AKR1B1: variants seen among roughly 807,000 people sequenced by gnomAD.
AKR1B1 encodes aldo-keto reductase family 1 member B.
A neutral mutation model predicts 40.4 loss-of-function variants in AKR1B1; 22 were observed. The observed-to-expected ratio is 0.54, with a 90% CI of 0.39 to 0.78. AKR1B1 has a LOEUF of 0.78. Ranked by LOEUF, AKR1B1 falls within the 30% of genes least tolerant of loss-of-function variation. The pLI is 0.00. For missense variants in AKR1B1, 357 were observed against 396.7 expected (o/e 0.90, Z 0.85); for synonymous variants, 157 against 149.9 (o/e 1.05, Z -0.35).
chr7:134,446,589 C>A (rs199532996), intron 8 of AKR1B1, among the ~76,000 whole-genome samples: 1 of 148,920 alleles, frequency 6.7e-6, no homozygotes, highest in East Asian at 2.1e-4. Context: ...GTGCCCCCCC[C>A]CTCCCCCACA....
rs1364332853 is a variant in AKR1B1, at chr7:134,447,399, CAGTG to C, written c.742-22_742-19del. ...ATCAGGACCTGTGAGCCCAAGGAGA[CAGTG>C]AGTGTGTATACATGCCAGGCACTCG... is the stretch of plus-strand genomic sequence containing the variant. On this transcript the variant is annotated intron_variant, in intron 7 of 9. Coordinates refer to ENST00000285930, the MANE Select transcript of AKR1B1 (RefSeq NM_001628.4). The C allele has an allele frequency of 3.1e-6, 5 of 1,611,668 alleles. No individual in the cohort carries two copies. The highest frequency in any genetic ancestry group is 3.3e-4 in the Middle Eastern group (2 of 6,058).
intron 3 of AKR1B1, among the ~76,000 whole-genome samples, 187 bp downstream of exon 3, chr7:134,450,599 T>C (rs1294404331): frequency 6.6e-6 from 1 of 152,238 alleles, no homozygotes; most frequent in East Asian, 1.9e-4. Flanking sequence ...TCAAATGGCC[T>C]GCGTGGGGCC....
rs756366489 is a variant in AKR1B1, at chr7:134,459,071, C to G, written c.-9G>C. On this transcript the variant is annotated 5_prime_UTR_variant, in exon 1 of 10. Coordinates refer to ENST00000285930, the MANE Select transcript of AKR1B1 (RefSeq NM_001628.4). ...AGGAGACGGCTTGCCATGGCTGCTG[C>G]GCTCCCCAGACCCCCGCCCAGTACG... 1 of 1,599,992 alleles carries G rather than the reference C, an allele frequency of 6.3e-7. No homozygotes were observed. Among genetic ancestry groups the G allele is most frequent in the South Asian group, 1.1e-5 (1 of 88,194 alleles).
At position 134,442,725 on chromosome 7, in the gene AKR1B1, G is replaced by A. The variant is rs191484045; in HGVS notation, c.*3C>T. 3.1e-6 allele frequency: 5 copies of A among 1,614,070 alleles called. No individual in the cohort carries two copies. The Admixed American group carries it at 6.7e-5, about 22-fold the overall frequency. On this transcript the variant is annotated 3_prime_UTR_variant, in exon 10 of 10. Transcript: ENST00000285930. ...ACTTGGGGACGAGCAGGCAACCACAGCTTCAAAACTCTTCATGGAAGGGGT... is the reference window on the plus strand; with the variant it reads ...ACTTGGGGACGAGCAGGCAACCACAACTTCAAAACTCTTCATGGAAGGGGT...
chr7:134,458,432 C>T (rs1806557688), intron 1 of AKR1B1, among the ~76,000 whole-genome samples: 1 of 152,166 alleles, frequency 6.6e-6, no homozygotes. Flanking sequence ...CAAACTCGCG[C>T]CACCTAATTC....
chr7:134,450,640 T>C, intron 3 of AKR1B1, 146 bp downstream of exon 3: 1 of 744,324 alleles, frequency 1.3e-6, no homozygotes, highest in East Asian at 2.5e-5. Context: ...CGCTCCCAGG[T>C]GATGCCAGTG....
intron 1 of AKR1B1, among the ~76,000 whole-genome samples, chr7:134,458,396 G>C (rs567131974): frequency 6.6e-6 from 1 of 152,284 alleles, no homozygotes; most frequent in African/African-American, 2.4e-5. Context: ...GCTCCGCACT[G>C]CGCCTTGTTA....
intron 1 of AKR1B1, among the ~76,000 whole-genome samples, chr7:134,455,910 C>A (rs954461481): frequency 5.9e-5 from 9 of 152,190 alleles, no homozygotes; most frequent in African/African-American, 2.2e-4. Flanking sequence ...CAGAAAGAAA[C>A]CCTGTCCAAG....
chr7:134,443,973 C>A (rs77934394), intron 9 of AKR1B1, among the ~76,000 whole-genome samples: 1,974 of 152,220 alleles, frequency 0.013, 53 homozygotes, highest in African/African-American at 0.045. Flanking sequence ...AAGTTTCTAG[C>A]ACAATACTGG....
At chr7:134,455,338 G>A (rs1585718451) in intron 1 of AKR1B1, among the ~76,000 whole-genome samples, 1 of 152,144 alleles carries the variant, frequency 6.6e-6, no homozygotes, top group East Asian at 1.9e-4. Context: ...GGAAAAAAAA[G>A]TCTCACAAGG....
At chr7:134,452,808 T>C (rs1249882672) in intron 1 of AKR1B1, among the ~76,000 whole-genome samples, 1 of 152,128 alleles carries the variant, frequency 6.6e-6, no homozygotes, top group Non-Finnish European at 1.5e-5. Flanking sequence ...TTCAACAGGC[T>C]TTGGGGAAGA....
At chr7:134,442,846 G>A (rs1321843203) in intron 9 of AKR1B1, 76 bp from the exon 10 acceptor site, 3 of 1,357,608 alleles carry the variant, frequency 2.2e-6, no homozygotes, top group Non-Finnish European at 3.1e-6. Context: ...ACAGAGAAAT[G>A]ATGTGTCTCA....
At chr7:134,446,599 A>AC (rs1562905927) in intron 8 of AKR1B1, among the ~76,000 whole-genome samples, 7 of 146,116 alleles carry the variant, frequency 4.8e-5, no homozygotes, top group Non-Finnish European at 9.1e-5. Context: ...CCTCCCCCAC[A>AC]CCCCCGCCAC....
chr7:134,451,534 C>T (rs766789571), intron 2 of AKR1B1, 52 bp downstream of exon 2: 11 of 1,608,528 alleles, frequency 6.8e-6, no homozygotes, highest in African/African-American at 2.7e-5. Context: ...GGCTGATGCA[C>T]CAACAGATGA....
chr7:134,446,144 A>AT (rs1301927973), intron 8 of AKR1B1, among the ~76,000 whole-genome samples: 1 of 152,210 alleles, frequency 6.6e-6, no homozygotes, highest in Non-Finnish European at 1.5e-5. Context: ...TTAGTCATTT[A>AT]TTTTTTCTTT....
At chr7:134,451,141 A>G (rs994526086) in intron 2 of AKR1B1, among the ~76,000 whole-genome samples, 3 of 152,238 alleles carry the variant, frequency 2.0e-5, no homozygotes, top group African/African-American at 4.8e-5. Context: ...CAGATTGGCT[A>G]GCCTGCCCTA....
intron 1 of AKR1B1, among the ~76,000 whole-genome samples, chr7:134,454,808 C>T (rs529963170): frequency 4.6e-5 from 7 of 152,300 alleles, no homozygotes; most frequent in African/African-American, 9.6e-5. Flanking sequence ...GAACAGGAAA[C>T]GATCACTCAG....
Position 134,451,457 on chromosome 7 carries a change from A to G in AKR1B1, c.234+129T>C, listed in dbSNP as rs1300042727. 4 of 1,175,760 alleles carry G rather than the reference A, an allele frequency of 3.4e-6. No homozygotes were observed. In the Admixed American group the frequency reaches 7.3e-5, roughly 21 times the overall value. 72.8% of individuals were successfully genotyped at this position (1,175,760 alleles called of 1,614,324 possible). On this transcript the variant is annotated intron_variant, in intron 2 of 9. Transcript: ENST00000285930. Reference sequence around the variant, plus strand: ...GGAGCCCTGTATGGCCGTGGGTGATACGTTTCCCCGGGAAGAATCGCCCAT... The same window carrying G: ...GGAGCCCTGTATGGCCGTGGGTGATGCGTTTCCCCGGGAAGAATCGCCCAT...
At position 134,450,631 on chromosome 7, in the gene AKR1B1, G is replaced by A. The variant is rs376606799; in HGVS notation, c.351+155C>T. 2.6e-5 allele frequency among the ~76,000 whole-genome samples: 4 copies of A among 152,180 alleles called. No homozygotes were observed. In the South Asian group the frequency reaches 8.3e-4, roughly 32 times the overall value. On this transcript the variant is annotated intron_variant, in intron 3 of 9. Transcript: ENST00000285930. ...GGCCCGAGACTGTGATTTCTAAGAC[G>A]CTCCCAGGTGATGCCAGTGCTGATG...
Sources: allele counts gnomAD v4.1 joint callset (sites outside exome capture counted in the v4.1 genomes callset), GRCh38; gene constraint gnomAD v4.1.1; transcripts MANE v1.5; gene names NCBI Gene and HGNC (gene_info 2026-07-23, HGNC 2026-07-21).